TMEM132B: variants seen among roughly 807,000 people sequenced by gnomAD.
TMEM132B encodes transmembrane protein 132B.
Under a neutral mutation model 90.8 loss-of-function variants are expected in TMEM132B, and 18 were observed. That is an observed-to-expected ratio of 0.20 (90% CI 0.14 to 0.29). The LOEUF is 0.29. TMEM132B is among the 10% of genes least tolerant of loss of function. The pLI is 1.00. For missense variants in TMEM132B, 1,096 were observed against 1,326.8 expected (o/e 0.83, Z 2.70); for synonymous variants, 504 against 523.3 (o/e 0.96, Z 0.50).
intron 1 of TMEM132B, among the ~76,000 whole-genome samples, chr12:125,296,064 C>T (rs779159074): frequency 8.5e-5 from 13 of 152,218 alleles, no homozygotes; most frequent in African/African-American, 1.9e-4. Flanking sequence ...TTCACAGCCA[C>T]TCCAAGTCAG....
intron 1 of TMEM132B, among the ~76,000 whole-genome samples, chr12:125,336,888 T>G (rs1876979196): frequency 6.6e-6 from 1 of 152,246 alleles, no homozygotes; most frequent in African/African-American, 2.4e-5. Flanking sequence ...GATTACTCAG[T>G]GAATTTTCCT....
chr12:125,509,010 C>T (rs1882913926), intron 3 of TMEM132B, among the ~76,000 whole-genome samples: 1 of 151,946 alleles, frequency 6.6e-6, no homozygotes, highest in Non-Finnish European at 1.5e-5. Context: ...TCTGGAACTC[C>T]TGGCCTTAAG....
At chr12:125,617,616 A>G (rs978617841) in intron 5 of TMEM132B, among the ~76,000 whole-genome samples, 6 of 152,130 alleles carry the variant, frequency 3.9e-5, no homozygotes, top group African/African-American at 1.4e-4. Context: ...AAGTGCTGGG[A>G]TTACAGGCGT....
intron 1 of TMEM132B, among the ~76,000 whole-genome samples, chr12:125,221,230 T>C (rs947204343): frequency 2.6e-5 from 4 of 152,250 alleles, no homozygotes; most frequent in African/African-American, 4.8e-5. Context: ...TTCATAGATA[T>C]ATACCCAGGA....
chr12:125,207,117 C>A (rs1873203214), intron 1 of TMEM132B, among the ~76,000 whole-genome samples: 1 of 152,196 alleles, frequency 6.6e-6, no homozygotes, highest in Non-Finnish European at 1.5e-5. Flanking sequence ...TTTGGCCAGC[C>A]CAGTGCTTTA....
At chr12:125,567,068 G>A (rs902370325) in intron 4 of TMEM132B, among the ~76,000 whole-genome samples, 1 of 151,870 alleles carries the variant, frequency 6.6e-6, no homozygotes, top group African/African-American at 2.4e-5. Context: ...GGTCTTGAAT[G>A]ACTAACCTCA....
chr12:125,187,202 C>T (rs1227958082), intron 1 of TMEM132B, among the ~76,000 whole-genome samples: 2 of 152,218 alleles, frequency 1.3e-5, no homozygotes, highest in Non-Finnish European at 2.9e-5. Context: ...GCCAAATCCC[C>T]CCCAGGTCCC....
chr12:125,576,987 G>A (rs2136848625), intron 4 of TMEM132B, among the ~76,000 whole-genome samples: 1 of 150,716 alleles, frequency 6.6e-6, no homozygotes. Context: ...TTTAAATTAG[G>A]GTAATACTGG....
chr12:125,487,460 T>G (rs1001185012), intron 3 of TMEM132B, among the ~76,000 whole-genome samples: 10 of 152,224 alleles, frequency 6.6e-5, no homozygotes, highest in African/African-American at 2.4e-4. Context: ...CTGAGCCACA[T>G]CCAAGTAGCT....
At chr12:125,332,864 C>A (rs926456856) in intron 1 of TMEM132B, among the ~76,000 whole-genome samples, 1 of 151,656 alleles carries the variant, frequency 6.6e-6, no homozygotes, top group Non-Finnish European at 1.5e-5. Flanking sequence ...AAACAAAAAA[C>A]CAAAAACAAG....
intron 3 of TMEM132B, among the ~76,000 whole-genome samples, chr12:125,506,259 G>A (rs1428283503): frequency 6.6e-6 from 1 of 152,178 alleles, no homozygotes; most frequent in East Asian, 1.9e-4. Context: ...AATGAAAGAA[G>A]CCGGATACAA....
intron 1 of TMEM132B, among the ~76,000 whole-genome samples, chr12:125,320,048 A>G (rs1480214554): frequency 6.7e-6 from 1 of 150,194 alleles, no homozygotes; most frequent in Non-Finnish European, 1.5e-5. Flanking sequence ...GGTCTAGGGC[A>G]GCACAATTCA....
chr12:125,211,747 C>T (rs1388455032), intron 1 of TMEM132B, among the ~76,000 whole-genome samples: 1 of 152,258 alleles, frequency 6.6e-6, no homozygotes, highest in African/African-American at 2.4e-5. Flanking sequence ...TAAATGCCTT[C>T]TCTTCCTGGC....
In TMEM132B at chr12:125,492,582, C is replaced by T. The variant is rs144741939; in HGVS notation, c.1107-26857C>T. Among the ~76,000 whole-genome samples the T allele has an allele frequency of 3.3e-5, 5 of 152,238 alleles. No homozygotes were observed. Among genetic ancestry groups the T allele is most frequent in the Non-Finnish European group, 5.9e-5 (4 of 68,012 alleles). ...GAGCCAGGACTCCTGGAGGCAGGTG[C>T]GTCCAGGGGCCCTGGGTGAGGAGGC... is the stretch of plus-strand genomic sequence containing the variant. On this transcript the variant is annotated intron_variant, in intron 3 of 8. Coordinates refer to ENST00000682704, the MANE Select transcript of TMEM132B (RefSeq NM_001366854.1). The surrounding 1 kb of genome is among the most constrained non-coding windows in gnomAD (Gnocchi z 5.8).
intron 4 of TMEM132B, among the ~76,000 whole-genome samples, chr12:125,579,252 T>C (rs1193582331): frequency 6.6e-6 from 1 of 152,214 alleles, no homozygotes; most frequent in Non-Finnish European, 1.5e-5. Context: ...GAGTGAATTT[T>C]CCATTTCGGC....
chr12:125,545,652 T>C (rs1056802177), intron 4 of TMEM132B, among the ~76,000 whole-genome samples: 9 of 152,232 alleles, frequency 5.9e-5, no homozygotes, highest in African/African-American at 2.2e-4. Context: ...CGATAATCAG[T>C]CCTTGGTCCT....
intron 1 of TMEM132B, among the ~76,000 whole-genome samples, chr12:125,224,489 C>A (rs1314953015): frequency 6.6e-6 from 1 of 152,198 alleles, no homozygotes; most frequent in Non-Finnish European, 1.5e-5. Context: ...TCTCCTTGAC[C>A]ACTGTGCAGT....
intron 1 of TMEM132B, among the ~76,000 whole-genome samples, chr12:125,311,675 T>C (rs1263026606): frequency 6.6e-6 from 1 of 152,170 alleles, no homozygotes. Context: ...GAATGAGCCT[T>C]TGAAAATGCA....
At chr12:125,297,742 T>TG (rs949977186) in intron 1 of TMEM132B, among the ~76,000 whole-genome samples, 1 of 152,112 alleles carries the variant, frequency 6.6e-6, no homozygotes, top group African/African-American at 2.4e-5. Context: ...TGGAGGAACA[T>TG]GAGCCCTGGG....
Sources: allele counts gnomAD v4.1 joint callset (sites outside exome capture counted in the v4.1 genomes callset), GRCh38; gene constraint gnomAD v4.1.1; non-coding constraint Gnocchi (gnomAD v3.1); transcripts MANE v1.5; gene names NCBI Gene and HGNC (gene_info 2026-07-23, HGNC 2026-07-21).